Variants in KIF18A observed in about 807,000 individuals in gnomAD.
KIF18A encodes kinesin family member 18A.
KIF18A carries 67 observed loss-of-function variants against 103.3 expected under a neutral mutation model. That is an observed-to-expected ratio of 0.65 (90% CI 0.53 to 0.79). The LOEUF (loss-of-function observed/expected upper bound fraction) is 0.79. KIF18A is among the 30% of genes least tolerant of loss of function. KIF18A has a pLI of 0.00. For synonymous variants in KIF18A, 367 were observed against 355.5 expected (o/e 1.03, Z -0.36); for missense variants, 1,032 against 1,062.5 (o/e 0.97, Z 0.40).
intron 13 of KIF18A, among the ~76,000 whole-genome samples, chr11:28,046,448 A>G (rs1183851094): frequency 1.4e-5 from 2 of 146,918 alleles, no homozygotes; most frequent in Non-Finnish European, 3.0e-5. Flanking sequence ...TTGCAAGAAC[A>G]AAAAACCAAA....
intron 7 of KIF18A, 79 bp from the exon 8 acceptor site, chr11:28,083,322 C>T: frequency 7.1e-7 from 1 of 1,402,732 alleles, no homozygotes; most frequent in Non-Finnish European, 9.4e-7. Flanking sequence ...CATGACATTG[C>T]ATTTTCATTG....
At chr11:28,021,628 T>C (rs1320703468) in intron 16 of KIF18A, among the ~76,000 whole-genome samples, 7 of 152,200 alleles carry the variant, frequency 4.6e-5, no homozygotes, top group African/African-American at 7.2e-5. Flanking sequence ...TGTATCACCA[T>C]TTTTTCTCAT....
At chr11:28,073,927 T>C (rs544371881) in intron 10 of KIF18A, among the ~76,000 whole-genome samples, 1 of 152,298 alleles carries the variant, frequency 6.6e-6, no homozygotes, top group African/African-American at 2.4e-5. Context: ...TTGCCTTTTG[T>C]CAAAAAGTAA....
At chr11:28,087,164 G>T (rs1363279786) in intron 6 of KIF18A, among the ~76,000 whole-genome samples, 1 of 152,128 alleles carries the variant, frequency 6.6e-6, no homozygotes, top group African/African-American at 2.4e-5. Flanking sequence ...TGCCATGGTG[G>T]TTTGCTGCAC....
intron 13 of KIF18A, among the ~76,000 whole-genome samples, chr11:28,050,263 A>T (rs1189061313): frequency 6.6e-6 from 1 of 151,896 alleles, no homozygotes. Flanking sequence ...TAGATGAATA[A>T]CTAAATACTG....
At chr11:28,091,370 T>C in intron 4 of KIF18A, 39 bp downstream of exon 4, 1 of 1,093,338 alleles carries the variant, frequency 9.1e-7, no homozygotes, top group Non-Finnish European at 1.4e-6. Flanking sequence ...ATAGTCACAT[T>C]TGCTATTCTA....
In KIF18A at chr11:28,082,979, GA is replaced by G; in HGVS notation, c.1150-12del. 1 of 1,517,822 alleles carries G rather than the reference GA, an allele frequency of 6.6e-7. No homozygotes were observed. The highest frequency in any genetic ancestry group is 9.0e-7 in the Non-Finnish European group (1 of 1,113,230). 94.0% of individuals were successfully genotyped at this position (1,517,822 alleles called of 1,614,324 possible). A position where few individuals can be genotyped will look rare whatever the true frequency, so the allele number is the denominator to read the frequency against. On this transcript the variant is annotated splice_polypyrimidine_tract_variant and intron_variant, in intron 8 of 16. Coordinates refer to ENST00000263181, the MANE Select transcript of KIF18A (RefSeq NM_031217.4). The stretch of plus-strand genomic sequence containing the variant: ...TTTTAACAATAAAATCTAGTAGAGA[GA>G]AATCACTAGTTAAAATACAAAAGAA...
At chr11:28,044,116 C>T (rs998608499) in intron 13 of KIF18A, among the ~76,000 whole-genome samples, 2 of 151,936 alleles carry the variant, frequency 1.3e-5, no homozygotes, top group Non-Finnish European at 1.5e-5. Context: ...TTACCATCAC[C>T]TACATTGCTA....
chr11:28,035,546 A>G (rs191071856), intron 14 of KIF18A, 52 bp from the exon 15 acceptor site: 2 of 1,109,594 alleles, frequency 1.8e-6, no homozygotes, highest in African/African-American at 1.6e-5. Flanking sequence ...TTGAACTATG[A>G]AGAGAAAAGG....
chr11:28,024,655 T>C (rs1052283524), intron 15 of KIF18A, among the ~76,000 whole-genome samples: 2 of 151,722 alleles, frequency 1.3e-5, no homozygotes, highest in Admixed American at 6.6e-5. Context: ...GAGTGTAGAG[T>C]AAGAAAGAAT....
At chr11:28,087,955 A>G (rs1851250922) in intron 6 of KIF18A, among the ~76,000 whole-genome samples, 1 of 152,176 alleles carries the variant, frequency 6.6e-6, no homozygotes, top group East Asian at 1.9e-4. Flanking sequence ...ATGTTGTGAA[A>G]TACACTGTGT....
chr11:28,022,211 T>C (rs182995660), intron 16 of KIF18A, among the ~76,000 whole-genome samples: 1 of 152,254 alleles, frequency 6.6e-6, no homozygotes, highest in African/African-American at 2.4e-5. Flanking sequence ...AAATATTTGA[T>C]GAATTTGTAT....
intron 13 of KIF18A, among the ~76,000 whole-genome samples, chr11:28,041,930 T>C (rs1382950981): frequency 1.3e-5 from 2 of 151,850 alleles, no homozygotes; most frequent in Non-Finnish European, 2.9e-5. Flanking sequence ...TCCCTCAACT[T>C]TGGCATTCTT....
chr11:28,031,856 A>C (rs1044676718), intron 15 of KIF18A, among the ~76,000 whole-genome samples: 1 of 151,944 alleles, frequency 6.6e-6, no homozygotes, highest in Non-Finnish European at 1.5e-5. Context: ...TTATTATTTA[A>C]CATATTACTG....
intron 11 of KIF18A, among the ~76,000 whole-genome samples, chr11:28,064,304 A>G (rs898428903): frequency 6.6e-6 from 1 of 152,024 alleles, no homozygotes; most frequent in Non-Finnish European, 1.5e-5. Flanking sequence ...TGTCACCTTA[A>G]GCCAAATATA....
At chr11:28,072,778 AC>A (rs1267047568) in intron 10 of KIF18A, among the ~76,000 whole-genome samples, 2 of 151,802 alleles carry the variant, frequency 1.3e-5, no homozygotes, top group Non-Finnish European at 2.9e-5. Context: ...AAAAAAAAAA[AC>A]AAAACCATAA....
rs940327523 is a variant in KIF18A, at chr11:28,090,736, G to A, written c.589-9C>T. 4.2e-6 allele frequency: 6 copies of A among 1,440,620 alleles called. No homozygotes were observed. Among genetic ancestry groups the A allele is most frequent in the Admixed American group, 3.6e-5 (2 of 55,616 alleles). The allele number at this position is 1,440,620 out of a possible 1,614,324, so 89.2% of individuals were successfully genotyped here. A position where few individuals can be genotyped will look rare whatever the true frequency, so the allele number is the denominator to read the frequency against. Reference sequence around the variant, plus strand: ...TCTTCTGAGGATTTGGGCTGGAGAAGTTTAAGTAGAAGCAAAATTTAAAAA... The same window carrying A: ...TCTTCTGAGGATTTGGGCTGGAGAAATTTAAGTAGAAGCAAAATTTAAAAA... On this transcript the variant is annotated splice_polypyrimidine_tract_variant and intron_variant, in intron 4 of 16. Transcript: ENST00000263181.
At chr11:28,059,331 A>G (rs1349211540) in intron 12 of KIF18A, among the ~76,000 whole-genome samples, 170 bp from the exon 13 acceptor site, 1 of 152,188 alleles carries the variant, frequency 6.6e-6, no homozygotes, top group African/African-American at 2.4e-5. Context: ...ATGACCTTGG[A>G]CAAGGCAAAA....
intron 13 of KIF18A, among the ~76,000 whole-genome samples, chr11:28,055,843 A>G (rs1189622267): frequency 1.3e-5 from 2 of 152,180 alleles, no homozygotes; most frequent in African/African-American, 4.8e-5. Context: ...CATGCAAGAA[A>G]ATCAGTCTAA....
Sources: gnomAD v4.1 joint callset for allele counts (sites outside exome capture counted in the v4.1 genomes callset) on GRCh38, gnomAD v4.1.1 for gene constraint, MANE v1.5 for transcripts, NCBI Gene and HGNC (gene_info 2026-07-23, HGNC 2026-07-21) for gene names.